Variants in CYYR1 observed in about 807,000 individuals in gnomAD.
CYYR1 encodes the protein cysteine and tyrosine-rich protein 1.
CYYR1 carries 14 observed loss-of-function variants against 15.2 expected under a neutral mutation model. The observed-to-expected ratio is 0.92, with a 90% CI of 0.61 to 1.44. The LOEUF (loss-of-function observed/expected upper bound fraction) is 1.44. Ranked by LOEUF, CYYR1 falls within the 40% of genes most tolerant of loss-of-function variation. The pLI, the probability that CYYR1 is intolerant of heterozygous loss-of-function variation, is 0.00. For synonymous variants in CYYR1, 80 were observed against 77.4 expected (o/e 1.03, Z -0.18); for missense variants, 228 against 209.5 (o/e 1.09, Z -0.54).
At chr21:26,521,526 A>C (rs2065804039) in intron 2 of CYYR1, among the ~76,000 whole-genome samples, 1 of 152,252 alleles carries the variant, frequency 6.6e-6, no homozygotes. Flanking sequence ...AATTTATCCA[A>C]AAGGAACATT....
chr21:26,503,860 A>G (rs1271889743), intron 2 of CYYR1, among the ~76,000 whole-genome samples: 1 of 152,236 alleles, frequency 6.6e-6, no homozygotes. Context: ...AAAAAATAAA[A>G]TCTGCATTTT....
intron 3 of CYYR1, among the ~76,000 whole-genome samples, chr21:26,479,685 T>G (rs1254463032): frequency 6.6e-6 from 1 of 152,156 alleles, no homozygotes; most frequent in Admixed American, 6.6e-5. Context: ...TTTTCTTTTG[T>G]ATTTTTAGTA....
At chr21:26,477,641 G>A (rs1177460690) in intron 3 of CYYR1, 1 of 697,778 alleles carries the variant, frequency 1.4e-6, no homozygotes, top group Non-Finnish European at 1.8e-6. Context: ...ATAAAATATT[G>A]AACATTTTAT....
chr21:26,514,546 C>G (rs1425247057), intron 2 of CYYR1, among the ~76,000 whole-genome samples: 1 of 152,230 alleles, frequency 6.6e-6, no homozygotes, highest in Non-Finnish European at 1.5e-5. Context: ...CCTGCAGAAC[C>G]ATGAGCCAAA....
At chr21:26,504,569 G>A (rs1441662299) in intron 2 of CYYR1, among the ~76,000 whole-genome samples, 1 of 152,162 alleles carries the variant, frequency 6.6e-6, no homozygotes, top group Non-Finnish European at 1.5e-5. Flanking sequence ...TACATGAGGT[G>A]TTTTGATACA....
chr21:26,520,110 G>GGA (rs199517518), intron 2 of CYYR1, among the ~76,000 whole-genome samples: 2 of 47,778 alleles, frequency 4.2e-5, no homozygotes, highest in African/African-American at 9.5e-5. Flanking sequence ...AAAAAACCCA[G>GGA]GAGATATATA....
At chr21:26,503,746 T>C (rs186942883) in intron 2 of CYYR1, 5 of 152,300 alleles carry the variant, frequency 3.3e-5, no homozygotes, top group African/African-American at 9.6e-5. Flanking sequence ...TATCTGGATA[T>C]TATTTATTCA....
rs980224906 is a variant in CYYR1, at chr21:26,573,251, G to T, written c.-311C>A. On this transcript the variant is annotated 5_prime_UTR_variant, in exon 1 of 4. The change creates a new upstream start codon in the 5' untranslated region. Transcript: ENST00000652641. Reference sequence around the variant, plus strand: ...CCACTCCGGCGTCCTTGGCCACCCAGGCTCACATTTCATCTCCGCGGGTGG... The same window carrying T: ...CCACTCCGGCGTCCTTGGCCACCCATGCTCACATTTCATCTCCGCGGGTGG... 202 of 1,365,462 alleles carry T rather than the reference G, an allele frequency of 1.5e-4. No homozygotes were observed. Among genetic ancestry groups the T allele is most frequent in the Non-Finnish European group, 3.3e-5 (34 of 1,044,740 alleles). 84.6% of individuals were successfully genotyped at this position (1,365,462 alleles called of 1,614,324 possible). A position where few individuals can be genotyped will look rare whatever the true frequency, so the allele number is the denominator to read the frequency against.
intron 2 of CYYR1, among the ~76,000 whole-genome samples, chr21:26,544,363 T>C (rs1305057903): frequency 6.6e-6 from 1 of 152,230 alleles, no homozygotes; most frequent in East Asian, 1.9e-4. Flanking sequence ...CCAGGATTTA[T>C]GAATCATATG....
intron 1 of CYYR1, among the ~76,000 whole-genome samples, chr21:26,566,593 C>G (rs757541351): frequency 1.3e-5 from 2 of 152,032 alleles, no homozygotes; most frequent in Non-Finnish European, 2.9e-5. Context: ...ATCTTCTACA[C>G]CAAGCACCAT....
intron 2 of CYYR1, among the ~76,000 whole-genome samples, chr21:26,490,543 A>G (rs2065314308): frequency 6.6e-6 from 1 of 152,210 alleles, no homozygotes; most frequent in Non-Finnish European, 1.5e-5. Context: ...TTTTTAAAGT[A>G]TAAATATAAT....
intron 2 of CYYR1, among the ~76,000 whole-genome samples, chr21:26,494,531 A>T (rs1182158428): frequency 6.6e-6 from 1 of 152,162 alleles, no homozygotes; most frequent in Non-Finnish European, 1.5e-5. Flanking sequence ...CTAAATTTTA[A>T]TTACTTGTTT....
chr21:26,497,155 T>G (rs2065416205), intron 2 of CYYR1, among the ~76,000 whole-genome samples: 1 of 152,184 alleles, frequency 6.6e-6, no homozygotes, highest in South Asian at 2.1e-4. Context: ...CTTTGGTCCT[T>G]AAAACATCCT....
chr21:26,533,226 A>G (rs1007469911), intron 2 of CYYR1, among the ~76,000 whole-genome samples: 3 of 148,808 alleles, frequency 2.0e-5, no homozygotes, highest in Admixed American at 6.7e-5. Context: ...TATATATTAT[A>G]TTCATAGTAT....
chr21:26,531,657 G>C (rs1384107777), intron 2 of CYYR1, among the ~76,000 whole-genome samples: 2 of 152,046 alleles, frequency 1.3e-5, no homozygotes, highest in Non-Finnish European at 2.9e-5. Flanking sequence ...ACAGCCTGTG[G>C]AACTCTTGAG....
chr21:26,573,255 C>T lies in CYYR1; in HGVS notation c.-315G>A, dbSNP rs376698392. ...TCCGGCGTCCTTGGCCACCCAGGCT[C>T]ACATTTCATCTCCGCGGGTGGCAAC... On this transcript the variant is annotated 5_prime_UTR_variant, in exon 1 of 4. An upstream open reading frame in the 5' UTR loses its in-frame stop. Coordinates refer to ENST00000652641, the MANE Select transcript of CYYR1 (RefSeq NM_001320768.2). 7.4e-7 allele frequency: 1 copy of T among 1,354,686 alleles called. No individual in the cohort carries two copies. The allele number at this position is 1,354,686 out of a possible 1,614,324, so 83.9% of individuals were successfully genotyped here. A position where few individuals can be genotyped will look rare whatever the true frequency, so the allele number is the denominator to read the frequency against.
chr21:26,548,509 G>A (rs1318065030), intron 2 of CYYR1, among the ~76,000 whole-genome samples: 1 of 152,162 alleles, frequency 6.6e-6, no homozygotes, highest in Non-Finnish European at 1.5e-5. Context: ...ATCACATCTG[G>A]CTAATTTTCT....
chr21:26,551,891 G>T (rs571716919), intron 2 of CYYR1: 2 of 181,112 alleles, frequency 1.1e-5, no homozygotes, highest in Non-Finnish European at 1.2e-5. Flanking sequence ...AAACGCTACC[G>T]AAGAGCGTTG....
intron 2 of CYYR1, among the ~76,000 whole-genome samples, chr21:26,540,209 G>A (rs546742629): frequency 5.4e-4 from 82 of 152,242 alleles, no homozygotes; most frequent in African/African-American, 1.9e-3. Context: ...ACAACTGCAA[G>A]CTCTTAAGAA....
Sources: allele counts gnomAD v4.1 joint callset (sites outside exome capture counted in the v4.1 genomes callset), GRCh38; gene constraint gnomAD v4.1.1; transcripts MANE v1.5; gene names NCBI Gene and HGNC (gene_info 2026-07-23, HGNC 2026-07-21).